Variants in MACROD2 observed in about 807,000 individuals in gnomAD.
MACROD2 encodes the protein ADP-ribose glycohydrolase MACROD2.
A neutral mutation model predicts 70.4 loss-of-function variants in MACROD2; 36 were observed. The observed-to-expected ratio is 0.51, with a 90% CI of 0.39 to 0.68. MACROD2 has a LOEUF of 0.68. MACROD2 is among the 30% of genes least tolerant of loss of function. MACROD2 has a pLI of 0.00. For synonymous variants in MACROD2, 172 were observed against 178.8 expected, an observed-to-expected ratio of 0.96 and a Z score of 0.30; for missense variants, 496 against 538.4, an observed-to-expected ratio of 0.92 and a Z score of 0.78.
chr20:14,464,667 C>G (rs961105999), intron 3 of MACROD2, among the ~76,000 whole-genome samples: 7 of 151,876 alleles, frequency 4.6e-5, no homozygotes, highest in South Asian at 2.1e-4. Context: ...CTCTTGTGGG[C>G]GTTTAGTGCT....
chr20:15,103,171 T>C (rs1190932307), intron 5 of MACROD2, among the ~76,000 whole-genome samples: 1 of 152,146 alleles, frequency 6.6e-6, no homozygotes, highest in Non-Finnish European at 1.5e-5. Context: ...GGAATTATTT[T>C]CTCACATAGC....
chr20:14,086,954 A>G (rs891635578), intron 3 of MACROD2, among the ~76,000 whole-genome samples: 1 of 152,200 alleles, frequency 6.6e-6, no homozygotes, highest in African/African-American at 2.4e-5. Context: ...GTGATAATAA[A>G]TTCACAGAGA....
intron 3 of MACROD2, among the ~76,000 whole-genome samples, chr20:14,272,119 A>AT (rs1347174416): frequency 6.6e-6 from 1 of 152,166 alleles, no homozygotes; most frequent in East Asian, 1.9e-4. Flanking sequence ...GCAGGCCAAC[A>AT]TTCAGATTCA....
intron 5 of MACROD2, among the ~76,000 whole-genome samples, chr20:14,982,100 C>T (rs911321506): frequency 1.3e-5 from 2 of 152,094 alleles, no homozygotes; most frequent in Non-Finnish European, 2.9e-5. Context: ...AAAGGTGACT[C>T]TTGTTATGTT....
chr20:14,816,916 G>C (rs6042934), intron 5 of MACROD2, among the ~76,000 whole-genome samples: 11,934 of 151,892 alleles, frequency 0.079, 738 homozygotes, highest in African/African-American at 0.16. Flanking sequence ...AGATACAAGA[G>C]TAGCTACATA....
chr20:14,216,890 A>G (rs957070108), intron 3 of MACROD2, among the ~76,000 whole-genome samples: 1 of 152,122 alleles, frequency 6.6e-6, no homozygotes, highest in African/African-American at 2.4e-5. Flanking sequence ...TTCTTTTATC[A>G]GTTCTAAGAG....
At chr20:14,708,443 G>A (rs1396451689) in intron 5 of MACROD2, among the ~76,000 whole-genome samples, 3 of 152,118 alleles carry the variant, frequency 2.0e-5, no homozygotes, top group Non-Finnish European at 2.9e-5. Flanking sequence ...ATTTGACCTG[G>A]GGACTGTAGT....
chr20:15,627,863 A>G lies in MACROD2; in HGVS notation c.645+128016A>G, dbSNP rs1043404381. ...TATTATCATGTAAACTATAAACTAAAGTTAGCTTAGCCTAAGACCAGGAAT... is the reference window on the plus strand; with the variant it reads ...TATTATCATGTAAACTATAAACTAAGGTTAGCTTAGCCTAAGACCAGGAAT... On this transcript the variant is annotated intron_variant, in intron 8 of 17. Coordinates refer to ENST00000684519, the MANE Select transcript of MACROD2 (RefSeq NM_001351661.2). 6.6e-5 allele frequency among the ~76,000 whole-genome samples: 10 copies of G among 152,160 alleles called. 1 individual carries two copies. Among genetic ancestry groups the G allele is most frequent in the Admixed American group, 3.3e-4 (5 of 15,272 alleles).
At chr20:15,624,861 A>G (rs1308341625) in intron 8 of MACROD2, among the ~76,000 whole-genome samples, 4 of 152,210 alleles carry the variant, frequency 2.6e-5, no homozygotes, top group Admixed American at 6.5e-5. Context: ...TAACAACTAT[A>G]TGAAATCTAA....
intron 3 of MACROD2, among the ~76,000 whole-genome samples, chr20:14,257,430 A>G (rs2082066550): frequency 6.6e-6 from 1 of 152,188 alleles, no homozygotes; most frequent in East Asian, 1.9e-4. Flanking sequence ...GATAATTTTT[A>G]AGGTTTATAT....
At chr20:14,059,488 G>C (rs918902864) in intron 2 of MACROD2, among the ~76,000 whole-genome samples, 8 of 152,106 alleles carry the variant, frequency 5.3e-5, no homozygotes, top group African/African-American at 1.9e-4. Context: ...GAATAAGTAG[G>C]GTGAAGTGAT....
chr20:14,234,042 C>T (rs2081846123), intron 3 of MACROD2, among the ~76,000 whole-genome samples: 1 of 152,106 alleles, frequency 6.6e-6, no homozygotes, highest in African/African-American at 2.4e-5. Context: ...CATGTAATCT[C>T]TGGACTTTAA....
intron 5 of MACROD2, among the ~76,000 whole-genome samples, chr20:14,955,440 C>T: frequency 6.6e-6 from 1 of 150,878 alleles, no homozygotes; most frequent in Non-Finnish European, 1.5e-5. Flanking sequence ...GTCTACACAC[C>T]TCATTGCCCT....
intron 3 of MACROD2, among the ~76,000 whole-genome samples, chr20:14,457,130 A>G (rs533416830): frequency 1.3e-5 from 2 of 152,186 alleles, no homozygotes; most frequent in Non-Finnish European, 2.9e-5. Context: ...AGCATCAGAA[A>G]GTGGAGACAT....
At chr20:15,555,897 T>C (rs2048163688) in intron 8 of MACROD2, among the ~76,000 whole-genome samples, 1 of 151,314 alleles carries the variant, frequency 6.6e-6, no homozygotes, top group Admixed American at 6.6e-5. Flanking sequence ...TAACTGGGAT[T>C]GAAAGTGTGT....
chr20:14,714,332 G>A (rs1385410900), intron 5 of MACROD2, among the ~76,000 whole-genome samples: 1 of 151,714 alleles, frequency 6.6e-6, no homozygotes, highest in South Asian at 2.1e-4. Flanking sequence ...ACCCACTGGC[G>A]CTCAGACTGC....
intron 6 of MACROD2, among the ~76,000 whole-genome samples, chr20:15,365,418 C>A (rs2045394438): frequency 6.6e-6 from 1 of 151,992 alleles, no homozygotes; most frequent in Non-Finnish European, 1.5e-5. Context: ...GTAATCCCAG[C>A]CCTTTGGGAG....
At chr20:14,231,666 G>A (rs2081814140) in intron 3 of MACROD2, among the ~76,000 whole-genome samples, 1 of 152,194 alleles carries the variant, frequency 6.6e-6, no homozygotes, top group Admixed American at 6.5e-5. Context: ...GTAATGGGAT[G>A]GCTGGGTTAA....
chr20:15,541,550 A>T (rs912619150), intron 8 of MACROD2, among the ~76,000 whole-genome samples: 2 of 152,156 alleles, frequency 1.3e-5, no homozygotes, highest in African/African-American at 4.8e-5. Context: ...TAAGTGACAC[A>T]TCTCCATACG....
Sources: allele counts gnomAD v4.1 joint callset (sites outside exome capture counted in the v4.1 genomes callset), GRCh38; gene constraint gnomAD v4.1.1; transcripts MANE v1.5; gene names NCBI Gene and HGNC (gene_info 2026-07-23, HGNC 2026-07-21).